The following TJP2 variants were observed in gnomAD, a reference collection of about 807,000 sequenced individuals.
TJP2 encodes Friedreich ataxia region gene X104 (tight junction protein ZO-2).
Under a neutral mutation model 133.1 loss-of-function variants are expected in TJP2, and 91 were observed. That is an observed-to-expected ratio of 0.68 (90% CI 0.58 to 0.81). The LOEUF is 0.81. Among genes scored for constraint, TJP2 ranks in the 40% least tolerant of loss-of-function variants. The pLI is 0.00. For synonymous variants in TJP2, 592 were observed against 583.4 expected (o/e 1.01, Z -0.21); for missense variants, 1,541 against 1,565.6 (o/e 0.98, Z 0.26).
At chr9:69,171,789 A>ATTTTTTT (rs34717893), upstream of TJP2, among the ~76,000 whole-genome samples, 29 of 86,754 alleles carry the variant, frequency 3.3e-4, 1 homozygote, top group African/African-American at 4.1e-4. Flanking sequence ...GAGTAGAAGA[A>ATTTTTTT]TTTTTTTTTT....
rs1012254604 is a variant in TJP2, at chr9:69,198,074, T to A, written c.61-14474T>A. ...TTTGGAGTTTAAATTTATTGCTGTTTGCATTTCAACACAACTGCTTTGAAA... is the reference window on the plus strand; with the variant it reads ...TTTGGAGTTTAAATTTATTGCTGTTAGCATTTCAACACAACTGCTTTGAAA... On this transcript the variant is annotated intron_variant, in intron 1 of 22. Transcript: ENST00000377245. Among the ~76,000 whole-genome samples, 65 of 152,080 alleles carry A rather than the reference T, an allele frequency of 4.3e-4. 1 individual carries two copies. The highest frequency in any genetic ancestry group is 7.2e-4 in the Non-Finnish European group (49 of 68,016).
chr9:69,249,650 C>T (rs778742588), intron 20 of TJP2, 165 bp downstream of exon 20: 3 of 985,076 alleles, frequency 3.0e-6, no homozygotes, highest in Non-Finnish European at 3.6e-6. Flanking sequence ...GGGTGAACTC[C>T]CAAATTAGGG....
chr9:69,147,635 T>C (rs929575696), intron 1 of TJP2, among the ~76,000 whole-genome samples: 3 of 152,202 alleles, frequency 2.0e-5, no homozygotes, highest in Non-Finnish European at 4.4e-5. Flanking sequence ...TGCTAGATTA[T>C]TAATTTTTGT....
At chr9:69,183,682 T>C (rs1825663988) in intron 1 of TJP2, among the ~76,000 whole-genome samples, 1 of 152,204 alleles carries the variant, frequency 6.6e-6, no homozygotes, top group African/African-American at 2.4e-5. Context: ...CCCATTTCTC[T>C]TGTGTGAATT....
chr9:69,247,905 C>T (rs1831038271), intron 18 of TJP2, 107 bp from the exon 19 acceptor site: 8 of 1,095,780 alleles, frequency 7.3e-6, no homozygotes, highest in Non-Finnish European at 1.0e-5. Flanking sequence ...CCCTGGCGAG[C>T]ACATCAAGGT....
At chr9:69,161,593 T>C (rs974699356) in intron 2 of TJP2, among the ~76,000 whole-genome samples, 9 of 152,136 alleles carry the variant, frequency 5.9e-5, no homozygotes, top group African/African-American at 2.2e-4. Flanking sequence ...ATGATGGATG[T>C]CACCTATGGG....
At chr9:69,214,717 A>G (rs992108106) in intron 2 of TJP2, among the ~76,000 whole-genome samples, 34 of 152,158 alleles carry the variant, frequency 2.2e-4, no homozygotes, top group African/African-American at 7.0e-4. Context: ...TACTAAAAAT[A>G]CAAAAATTAG....
intron 1 of TJP2, among the ~76,000 whole-genome samples, chr9:69,195,815 A>T (rs1431231391): frequency 6.6e-6 from 1 of 152,134 alleles, no homozygotes. Flanking sequence ...TTACCAACTC[A>T]CTGCAGAAGA....
At chr9:69,145,607 A>G (rs1823180085) in intron 1 of TJP2, 1 of 699,074 alleles carries the variant, frequency 1.4e-6, no homozygotes, top group Non-Finnish European at 2.0e-6. Context: ...TACATAGAGA[A>G]CATCCAAAGG....
At chr9:69,180,731 T>C (rs1225243383) in intron 1 of TJP2, among the ~76,000 whole-genome samples, 4 of 152,218 alleles carry the variant, frequency 2.6e-5, no homozygotes, top group African/African-American at 9.7e-5. Flanking sequence ...ATTTCTGTTT[T>C]TGAAAGGAAT....
chr9:69,233,795 G>A (rs974860578), intron 11 of TJP2, among the ~76,000 whole-genome samples: 6 of 151,740 alleles, frequency 4.0e-5, no homozygotes, highest in African/African-American at 1.5e-4. Flanking sequence ...AAACCACATA[G>A]CACTATGATT....
chr9:69,166,422 G>GTAAACAGTAAAACAGTTT (rs931077166), intron 2 of TJP2, among the ~76,000 whole-genome samples: 1 of 149,836 alleles, frequency 6.7e-6, no homozygotes, highest in Non-Finnish European at 1.5e-5. Flanking sequence ...TTTTTAAACA[G>GTAAACAGTAAAACAGTTT]TAAACAGTAA....
intron 17 of TJP2, among the ~76,000 whole-genome samples, chr9:69,243,960 G>A (rs1007330243): frequency 1.3e-5 from 2 of 152,102 alleles, no homozygotes; most frequent in Non-Finnish European, 2.9e-5. Context: ...AAGGTGGGCA[G>A]GTCACTTGAG....
intron 1 of TJP2, among the ~76,000 whole-genome samples, chr9:69,175,236 G>A (rs1477858124): frequency 6.6e-6 from 1 of 152,204 alleles, no homozygotes; most frequent in African/African-American, 2.4e-5. Flanking sequence ...TGTCTGGCCT[G>A]AGTAATGATG....
intron 2 of TJP2, among the ~76,000 whole-genome samples, chr9:69,154,073 A>C (rs1191370192): frequency 6.6e-6 from 1 of 152,214 alleles, no homozygotes; most frequent in Non-Finnish European, 1.5e-5. Context: ...TCCCATTTGT[A>C]AATAAAGAAC....
intron 1 of TJP2, among the ~76,000 whole-genome samples, chr9:69,136,255 A>G (rs1296205005): frequency 6.6e-6 from 1 of 152,198 alleles, no homozygotes; most frequent in Non-Finnish European, 1.5e-5. Flanking sequence ...GCAGTGGCTC[A>G]TGTCTATAAT....
At chr9:69,172,906 GATCAGGAGAGCAATGCCTTAC>G (rs1397932336), upstream of TJP2, among the ~76,000 whole-genome samples, 10 of 152,146 alleles carry the variant, frequency 6.6e-5, no homozygotes, top group Non-Finnish European at 1.3e-4. Flanking sequence ...TAGGTGCTTA[GATCAGGAGAGCAATGCCTTAC>G]ATCAGGAATA....
chr9:69,235,625 T>C (rs1002926926), intron 12 of TJP2, among the ~76,000 whole-genome samples: 4 of 152,230 alleles, frequency 2.6e-5, no homozygotes, highest in African/African-American at 9.6e-5. Context: ...CCCAGCCTAG[T>C]TTCCTCTTAA....
At chr9:69,191,584 C>G (rs554423608) in intron 1 of TJP2, among the ~76,000 whole-genome samples, 1 of 152,166 alleles carries the variant, frequency 6.6e-6, no homozygotes, top group Non-Finnish European at 1.5e-5. Context: ...CACTGTTACT[C>G]CAGGTCCGTT....
Sources: gnomAD v4.1 joint callset for allele counts (sites outside exome capture counted in the v4.1 genomes callset) on GRCh38, gnomAD v4.1.1 for gene constraint, MANE v1.5 for transcripts, NCBI Gene and HGNC (gene_info 2026-07-23, HGNC 2026-07-21) for gene names.